Variants in ZNRF2 observed in about 807,000 individuals in gnomAD.
ZNRF2 encodes zinc and ring finger 2, also known as E3 ubiquitin-protein ligase ZNRF2.
Under a neutral mutation model 20.4 loss-of-function variants are expected in ZNRF2, and 16 were observed. The ratio of observed to expected loss-of-function variants is 0.79; its 90% CI spans 0.53 to 1.19. ZNRF2 has a LOEUF of 1.19. ZNRF2 is among the 50% of genes most tolerant of loss of function. ZNRF2 has a pLI of 0.00. For missense variants in ZNRF2, 363 were observed against 332.4 expected (o/e 1.09, Z -0.72); for synonymous variants, 178 against 144.9 (o/e 1.23, Z -1.64).
chr7:30,340,247 CTTGCCTGA>C (rs879449735), intron 2 of ZNRF2, among the ~76,000 whole-genome samples: 2 of 152,184 alleles, frequency 1.3e-5, no homozygotes, highest in Non-Finnish European at 2.9e-5. Flanking sequence ...ATTTCTTTCT[CTTGCCTGA>C]TTGCCTTGGC....
intron 2 of ZNRF2, among the ~76,000 whole-genome samples, chr7:30,333,128 A>G (rs1426395045): frequency 6.9e-6 from 1 of 145,962 alleles, no homozygotes; most frequent in Non-Finnish European, 1.5e-5. Flanking sequence ...ATCTTGGCTC[A>G]TTGCAACCTC....
At chr7:30,363,426 A>G (rs1282504257) in intron 4 of ZNRF2, among the ~76,000 whole-genome samples, 5 of 152,194 alleles carry the variant, frequency 3.3e-5, no homozygotes, top group Admixed American at 3.3e-4. Flanking sequence ...TGACTTTTCA[A>G]GTTCAGATAA....
chr7:30,335,363 A>T (rs1799701280), intron 2 of ZNRF2, among the ~76,000 whole-genome samples: 1 of 152,102 alleles, frequency 6.6e-6, no homozygotes, highest in South Asian at 2.1e-4. Flanking sequence ...CTGTCCTCAA[A>T]CTTTAAAAGC....
chr7:30,284,979 G>A lies in ZNRF2; in HGVS notation c.-379G>A, dbSNP rs563006739. On this transcript the variant is annotated 5_prime_UTR_variant, in exon 1 of 5. Transcript: ENST00000323037. ...CCCGAGAGGAGGCGGTGCCGAGATC[G>A]GGGGCGCCGAGCGCGGCAGCAGAGA... 2 of 335,154 alleles carry A rather than the reference G, an allele frequency of 6.0e-6. No individual in the cohort carries two copies. Among genetic ancestry groups the A allele is most frequent in the Non-Finnish European group, 1.2e-5 (2 of 168,558 alleles). The allele number at this position is 335,154 out of a possible 1,614,324, so 20.8% of individuals were successfully genotyped here. A position where few individuals can be genotyped will look rare whatever the true frequency, so the allele number is the denominator to read the frequency against.
At chr7:30,343,204 A>G (rs982231982) in intron 2 of ZNRF2, among the ~76,000 whole-genome samples, 2 of 152,052 alleles carry the variant, frequency 1.3e-5, no homozygotes, top group African/African-American at 4.8e-5. Flanking sequence ...AGTCGCAGCT[A>G]CTGGGGAGGC....
At chr7:30,354,255 A>G (rs1800002585) in intron 2 of ZNRF2, among the ~76,000 whole-genome samples, 2 of 152,118 alleles carry the variant, frequency 1.3e-5, no homozygotes, top group African/African-American at 4.8e-5. Context: ...TACCTGCTTA[A>G]GTTTCTGACT....
At chr7:30,361,052 C>T (rs75904308) in intron 3 of ZNRF2, among the ~76,000 whole-genome samples, 2,788 of 152,298 alleles carry the variant, frequency 0.018, 38 homozygotes, top group South Asian at 0.036. Context: ...TGATTACTTT[C>T]TCATGATGAG....
At chr7:30,358,070 T>G (rs1800068863) in intron 3 of ZNRF2, among the ~76,000 whole-genome samples, 1 of 152,182 alleles carries the variant, frequency 6.6e-6, no homozygotes, top group Non-Finnish European at 1.5e-5. Flanking sequence ...TAGATGTAAT[T>G]TACTACATTA....
intron 2 of ZNRF2, among the ~76,000 whole-genome samples, chr7:30,333,078 G>A (rs1010848023): frequency 6.7e-6 from 1 of 149,034 alleles, no homozygotes; most frequent in African/African-American, 2.5e-5. Flanking sequence ...TTTTGAGATG[G>A]AGTCTCACTC....
intron 1 of ZNRF2, among the ~76,000 whole-genome samples, chr7:30,301,689 G>A (rs1053792812): frequency 7.3e-5 from 9 of 123,614 alleles, no homozygotes; most frequent in Non-Finnish European, 1.5e-4. Context: ...ACAGGATAAT[G>A]AGGCTTTTTT....
intron 2 of ZNRF2, among the ~76,000 whole-genome samples, chr7:30,352,724 A>AC (rs1163728656): frequency 6.6e-6 from 1 of 151,960 alleles, no homozygotes; most frequent in Non-Finnish European, 1.5e-5. Context: ...TTAGTAGTCT[A>AC]CCCCAAGATA....
intron 1 of ZNRF2, among the ~76,000 whole-genome samples, chr7:30,297,537 A>T (rs1799038033): frequency 6.6e-6 from 1 of 152,124 alleles, no homozygotes; most frequent in African/African-American, 2.4e-5. Context: ...TTCTAGGTTG[A>T]AGTTATTTTC....
chr7:30,357,885 G>A (rs1800065004), intron 3 of ZNRF2, among the ~76,000 whole-genome samples: 1 of 152,084 alleles, frequency 6.6e-6, no homozygotes, highest in African/African-American at 2.4e-5. Context: ...GATAAGGACA[G>A]TACAGGAAAG....
At chr7:30,325,127 T>A (rs552883870) in intron 2 of ZNRF2, among the ~76,000 whole-genome samples, 4 of 152,152 alleles carry the variant, frequency 2.6e-5, no homozygotes, top group African/African-American at 9.6e-5. Context: ...TGGAATAGAC[T>A]TGGGGGGGAA....
In ZNRF2 at chr7:30,300,795, T is replaced by C. The variant is rs80212553; in HGVS notation, c.469+14969T>C. The stretch of plus-strand genomic sequence containing the variant: ...ATGAAAATTGTGAGTTGGGAATTTA[T>C]TATGTTTTGTTATAGGCTGAATCTT... On this transcript the variant is annotated intron_variant, in intron 1 of 4. Transcript: ENST00000323037. Among the ~76,000 whole-genome samples, 23 of 152,344 alleles carry C rather than the reference T, an allele frequency of 1.5e-4. 1 individual carries two copies. In the East Asian group the frequency reaches 3.9e-3, roughly 26 times the overall value.
At chr7:30,315,322 A>T (rs1024820988) in intron 1 of ZNRF2, among the ~76,000 whole-genome samples, 3 of 152,300 alleles carry the variant, frequency 2.0e-5, no homozygotes, top group East Asian at 3.9e-4. Flanking sequence ...TGATTGTTGC[A>T]TGGTTGTAAC....
intron 1 of ZNRF2, among the ~76,000 whole-genome samples, chr7:30,313,039 T>C (rs1799315333): frequency 6.6e-6 from 1 of 152,226 alleles, no homozygotes; most frequent in Non-Finnish European, 1.5e-5. Flanking sequence ...AAACACTTGA[T>C]AAGTAGAAGC....
At chr7:30,289,970 T>C (rs1210778990) in intron 1 of ZNRF2, 18 of 502,294 alleles carry the variant, frequency 3.6e-5, no homozygotes, top group Middle Eastern at 3.2e-4. Flanking sequence ...TAATGAGATA[T>C]CAACTTTTAA....
At chr7:30,351,461 TCA>T (rs1037271245) in intron 2 of ZNRF2, among the ~76,000 whole-genome samples, 4 of 152,044 alleles carry the variant, frequency 2.6e-5, no homozygotes, top group African/African-American at 9.7e-5. Flanking sequence ...TAAGGTCGTT[TCA>T]GTTATTTTAT....
Sources: gnomAD v4.1 joint callset for allele counts (sites outside exome capture counted in the v4.1 genomes callset) on GRCh38, gnomAD v4.1.1 for gene constraint, MANE v1.5 for transcripts, NCBI Gene and HGNC (gene_info 2026-07-23, HGNC 2026-07-21) for gene names.